Variants in TLN2 observed in about 807,000 individuals in gnomAD.
TLN2 encodes talin 2, also known as talin-2.
TLN2 carries 118 observed loss-of-function variants against 294.7 expected under a neutral mutation model. The ratio of observed to expected loss-of-function variants is 0.40; its 90% CI spans 0.34 to 0.47. The LOEUF (loss-of-function observed/expected upper bound fraction) is 0.47, where lower values mean the gene tolerates loss of function less well. Among genes scored for constraint, TLN2 ranks in the 20% least tolerant of loss-of-function variants. The probability of loss-of-function intolerance (pLI) is 0.84; values close to 1 mark genes in which losing one functional copy is unlikely to be tolerated. For synonymous variants in TLN2, 1,431 were observed against 1,304.5 expected (o/e 1.10, Z -2.09); for missense variants, 3,083 against 3,282.2 (o/e 0.94, Z 1.48).
chr15:62,674,017 G>C, intron 10 of TLN2, 127 bp downstream of exon 10: 1 of 602,542 alleles, frequency 1.7e-6, no homozygotes, highest in Non-Finnish European at 2.8e-6. Flanking sequence ...AATGATTAGT[G>C]ACTCAAGAGT....
chr15:62,621,252 A>C (rs560830531), intron 3 of TLN2, among the ~76,000 whole-genome samples: 1 of 152,208 alleles, frequency 6.6e-6, no homozygotes, highest in Non-Finnish European at 1.5e-5. Context: ...TAGAGCATCA[A>C]CAAAGTTGAA....
intron 20 of TLN2, among the ~76,000 whole-genome samples, chr15:62,707,899 G>C (rs1324842672): frequency 6.6e-6 from 1 of 152,070 alleles, no homozygotes; most frequent in Non-Finnish European, 1.5e-5. Flanking sequence ...TGCAGCAGAA[G>C]ATGGGAAATG....
At chr15:62,391,761 C>T (rs920238931) in intron 1 of TLN2, among the ~76,000 whole-genome samples, 1 of 152,254 alleles carries the variant, frequency 6.6e-6, no homozygotes, top group Non-Finnish European at 1.5e-5. Context: ...CGAGAGCCGC[C>T]GTCACGGACA....
chr15:62,437,748 T>TGGGG (rs56340210), intron 1 of TLN2, among the ~76,000 whole-genome samples: 1 of 125,124 alleles, frequency 8.0e-6, no homozygotes, highest in Non-Finnish European at 1.8e-5. Flanking sequence ...AAAAACACCA[T>TGGGG]GGGGGTGTGT....
chr15:62,685,282 G>A (rs928482617), intron 11 of TLN2, among the ~76,000 whole-genome samples: 1 of 151,932 alleles, frequency 6.6e-6, no homozygotes, highest in Non-Finnish European at 1.5e-5. Flanking sequence ...TAATAATGTA[G>A]GGTAATCTGT....
At chr15:62,403,817 G>A (rs935705597) in intron 1 of TLN2, among the ~76,000 whole-genome samples, 9 of 152,136 alleles carry the variant, frequency 5.9e-5, no homozygotes, top group Non-Finnish European at 1.0e-4. Flanking sequence ...ATGAGGTCAC[G>A]CCGGCATCCC....
intron 50 of TLN2, 105 bp from the exon 51 acceptor site, chr15:62,805,495 A>C: frequency 1.6e-6 from 2 of 1,218,858 alleles, no homozygotes; most frequent in Non-Finnish European, 2.2e-6. Flanking sequence ...TCTTCCAGTT[A>C]CTGGCTCAGT....
chr15:62,411,172 G>A (rs2033755024), intron 1 of TLN2, among the ~76,000 whole-genome samples: 1 of 152,104 alleles, frequency 6.6e-6, no homozygotes, highest in Non-Finnish European at 1.5e-5. Flanking sequence ...ACAAACCAAA[G>A]AGGGATGAAT....
At chr15:62,573,407 A>G (rs1220017170) in intron 1 of TLN2, among the ~76,000 whole-genome samples, 2 of 151,892 alleles carry the variant, frequency 1.3e-5, no homozygotes, top group Non-Finnish European at 2.9e-5. Flanking sequence ...TCACATGAGG[A>G]CCCACTACCT....
chr15:62,597,450 A>G (rs963949673), intron 2 of TLN2, among the ~76,000 whole-genome samples: 4 of 152,140 alleles, frequency 2.6e-5, no homozygotes, highest in Non-Finnish European at 5.9e-5. Context: ...CCCCTTTTAT[A>G]CTGCAGCAGC....
At chr15:62,571,263 C>T (rs2043841846) in intron 1 of TLN2, among the ~76,000 whole-genome samples, 1 of 152,156 alleles carries the variant, frequency 6.6e-6, no homozygotes, top group South Asian at 2.1e-4. Context: ...GAGTCTATTG[C>T]CCATCACTCC....
chr15:62,430,122 T>C (rs2034937162), intron 1 of TLN2, among the ~76,000 whole-genome samples: 1 of 152,236 alleles, frequency 6.6e-6, no homozygotes, highest in Non-Finnish European at 1.5e-5. Context: ...AAATTAGGTC[T>C]TTGTGGCTGT....
At chr15:62,604,438 G>A (rs2047246955) in intron 2 of TLN2, among the ~76,000 whole-genome samples, 1 of 151,112 alleles carries the variant, frequency 6.6e-6, no homozygotes, top group African/African-American at 2.4e-5. Context: ...AGCCACTTGG[G>A]AGACTGAGGT....
At chr15:62,698,892 T>A in intron 16 of TLN2, 25 bp downstream of exon 16, 10 of 1,601,338 alleles carry the variant, frequency 6.2e-6, no homozygotes, top group Non-Finnish European at 7.7e-6. Flanking sequence ...GTGGTTTTCA[T>A]GCCAAGTCTC....
In TLN2 at chr15:62,704,149, A is replaced by G. The variant is rs1029361749; in HGVS notation, c.2004+1285A>G. Among the ~76,000 whole-genome samples the G allele has an allele frequency of 2.6e-5, 4 of 152,162 alleles. No individual in the cohort carries two copies. The South Asian group carries it at 8.3e-4, about 32-fold the overall frequency. The stretch of plus-strand genomic sequence containing the variant: ...TATTAAAATGTTTTTTGAATTATTT[A>G]TTTATATATATAATGAAATATTTAC... On this transcript the variant is annotated intron_variant, in intron 19 of 58. Coordinates refer to ENST00000636159, the MANE Select transcript of TLN2 (RefSeq NM_015059.3).
At chr15:62,688,624 T>G in intron 12 of TLN2, among the ~76,000 whole-genome samples, 1 of 152,172 alleles carries the variant, frequency 6.6e-6, no homozygotes, top group Non-Finnish European at 1.5e-5. Flanking sequence ...ACAGTAATTA[T>G]GGATTTTTCT....
Position 62,825,754 on chromosome 15 carries a change from TA to T in TLN2, c.7002+5146del, listed in dbSNP as rs1567686171. Among the ~76,000 whole-genome samples, 45 of 104,404 alleles carry T rather than the reference TA, an allele frequency of 4.3e-4. No individual in the cohort carries two copies. The South Asian group carries it at 0.011, about 27-fold the overall frequency. The allele number at this position is 104,404 out of a possible 152,430, so 68.5% of individuals were successfully genotyped here. A position where few individuals can be genotyped will look rare whatever the true frequency, so the allele number is the denominator to read the frequency against. On this transcript the variant is annotated intron_variant, in intron 54 of 58. Transcript: ENST00000636159. ...AATATATTTTTATATATATTAAATA[TA>T]ATTATAATTATATATTATATAATAT...
intron 1 of TLN2, among the ~76,000 whole-genome samples, chr15:62,588,915 A>T (rs1429403844): frequency 6.6e-6 from 1 of 151,344 alleles, no homozygotes; most frequent in Non-Finnish European, 1.5e-5. Flanking sequence ...TTTTATTTTG[A>T]GTTTATTCTT....
Position 62,762,439 on chromosome 15 carries a change from C to T in TLN2, c.4947C>T (p.Leu1649=). ...SHTVSDSIKS[L]ITSIRDKAPG... ...CAGTGTCCGACTCCATCAAGAGTCT[C>T]ATCACTTCTATCAGGTCAGTTTCCC... Residue 1649 remains leucine (L), a synonymous_variant, in exon 39 of 59, where the codon CTC becomes CTT. Coordinates refer to ENST00000636159, the MANE Select transcript of TLN2 (RefSeq NM_015059.3). 1 of 1,614,084 alleles carries T rather than the reference C, an allele frequency of 6.2e-7. No individual in the cohort carries two copies. The highest frequency in any genetic ancestry group is 8.5e-7 in the Non-Finnish European group (1 of 1,180,014).
Sources: allele counts gnomAD v4.1 joint callset (sites outside exome capture counted in the v4.1 genomes callset), GRCh38; gene constraint gnomAD v4.1.1; transcripts MANE v1.5; gene names NCBI Gene and HGNC (gene_info 2026-07-23, HGNC 2026-07-21).